STK3: variants seen among roughly 807,000 people sequenced by gnomAD.
STK3 encodes serine/threonine-protein kinase 3.
A neutral mutation model predicts 58.0 loss-of-function variants in STK3; 41 were observed. That is an observed-to-expected ratio of 0.71 (90% CI 0.55 to 0.92). The LOEUF (loss-of-function observed/expected upper bound fraction) is 0.92. Ranked by LOEUF, STK3 falls within the 40% of genes least tolerant of loss-of-function variation. The pLI, the probability that STK3 is intolerant of heterozygous loss-of-function variation, is 0.00. For synonymous variants in STK3, 170 were observed against 191.0 expected (o/e 0.89, Z 0.91); for missense variants, 479 against 602.7 (o/e 0.79, Z 2.15).
intron 10 of STK3, among the ~76,000 whole-genome samples, chr8:98,509,441 T>C (rs918828514): frequency 6.6e-6 from 1 of 151,974 alleles, no homozygotes; most frequent in Non-Finnish European, 1.5e-5. Flanking sequence ...AATACAAGTT[T>C]TACTTAGATG....
intron 4 of STK3, among the ~76,000 whole-genome samples, chr8:98,716,158 T>C (rs1051876811): frequency 6.6e-6 from 1 of 152,064 alleles, no homozygotes; most frequent in African/African-American, 2.4e-5. Flanking sequence ...TGGGGAGCGA[T>C]AGCATTAGGA....
At chr8:98,798,767 GC>G (rs1833338438) in intron 1 of STK3, among the ~76,000 whole-genome samples, 1 of 152,144 alleles carries the variant, frequency 6.6e-6, no homozygotes, top group East Asian at 1.9e-4. Flanking sequence ...CTATGATCAT[GC>G]CACCACACTC....
intron 6 of STK3, among the ~76,000 whole-genome samples, chr8:98,668,752 T>C (rs1027394263): frequency 2.0e-5 from 3 of 152,118 alleles, no homozygotes; most frequent in Non-Finnish European, 4.4e-5. Flanking sequence ...TACTCATCTA[T>C]TGCTTACTTT....
In STK3 at chr8:98,587,508, T is replaced by G. The variant is rs573911208; in HGVS notation, c.823-7719A>C. On this transcript the variant is annotated intron_variant, in intron 7 of 10. Coordinates refer to ENST00000419617, the MANE Select transcript of STK3 (RefSeq NM_006281.4). ...TCTTTTACATTTGCTGAGGAGAGAT[T>G]TACTTCAAAGTATGTGGTCAATTTT... 7.2e-4 allele frequency among the ~76,000 whole-genome samples: 109 copies of G among 152,264 alleles called. 1 individual carries two copies. The highest frequency in any genetic ancestry group is 2.6e-3 in the African/African-American group (108 of 41,504).
At chr8:98,654,744 A>C (rs1176043823) in intron 6 of STK3, among the ~76,000 whole-genome samples, 1 of 152,210 alleles carries the variant, frequency 6.6e-6, no homozygotes, top group African/African-American at 2.4e-5. Context: ...ATTGCTTCAA[A>C]GAGAATAAAA....
intron 10 of STK3, among the ~76,000 whole-genome samples, chr8:98,473,363 T>C (rs1821068445): frequency 6.6e-6 from 1 of 152,190 alleles, no homozygotes; most frequent in Non-Finnish European, 1.5e-5. Flanking sequence ...TCAAACTCTC[T>C]TTGTCTTTAG....
chr8:98,829,394 T>A (rs949116103), upstream of STK3, among the ~76,000 whole-genome samples: 2 of 152,206 alleles, frequency 1.3e-5, no homozygotes, highest in African/African-American at 4.8e-5. Context: ...AAAGGGCTTA[T>A]GATCTTGACT....
intron 3 of STK3, among the ~76,000 whole-genome samples, chr8:98,839,108 G>A (rs1394888325): frequency 6.6e-6 from 1 of 151,878 alleles, no homozygotes; most frequent in Non-Finnish European, 1.5e-5. Flanking sequence ...GTCCAGTGGT[G>A]TGATTTCGGC....
chr8:98,451,430 C>A (rs751475356), downstream of STK3, among the ~76,000 whole-genome samples: 1 of 152,106 alleles, frequency 6.6e-6, no homozygotes, highest in Non-Finnish European at 1.5e-5. Context: ...AGGCCTGTTG[C>A]AGGTCTTGAA....
At chr8:98,532,668 A>G (rs1305180899) in intron 9 of STK3, among the ~76,000 whole-genome samples, 1 of 152,202 alleles carries the variant, frequency 6.6e-6, no homozygotes, top group Non-Finnish European at 1.5e-5. Flanking sequence ...ATAATGAGGT[A>G]TGCTTATGTT....
chr8:98,799,536 A>C (rs1006357771), intron 1 of STK3, among the ~76,000 whole-genome samples: 4 of 152,218 alleles, frequency 2.6e-5, no homozygotes, highest in Non-Finnish European at 5.9e-5. Context: ...CTGTCTACCC[A>C]GCCAAGGTAT....
intron 6 of STK3, among the ~76,000 whole-genome samples, chr8:98,670,022 G>A (rs951085277): frequency 6.6e-6 from 1 of 152,134 alleles, no homozygotes; most frequent in Non-Finnish European, 1.5e-5. Context: ...CCCTTTTGAA[G>A]GGTTTCAGGT....
chr8:98,584,756 AC>A (rs1359187243), intron 7 of STK3, among the ~76,000 whole-genome samples: 6 of 148,828 alleles, frequency 4.0e-5, no homozygotes, highest in Non-Finnish European at 9.0e-5. Flanking sequence ...CCTCTCCAGC[AC>A]CTGTTGTTTC....
chr8:98,878,273 G>A (rs1587791065), intron 3 of STK3, among the ~76,000 whole-genome samples: 2 of 151,986 alleles, frequency 1.3e-5, no homozygotes, highest in South Asian at 2.1e-4. Flanking sequence ...GGCTGGTCTC[G>A]AACTCCTGGC....
At chr8:98,599,537 A>T (rs946080972) in intron 6 of STK3, among the ~76,000 whole-genome samples, 1 of 152,164 alleles carries the variant, frequency 6.6e-6, no homozygotes, top group African/African-American at 2.4e-5. Context: ...ACCACGTATT[A>T]AAAAACCCTG....
intron 10 of STK3, among the ~76,000 whole-genome samples, chr8:98,510,165 G>A (rs1347043674): frequency 6.6e-6 from 1 of 152,052 alleles, no homozygotes; most frequent in African/African-American, 2.4e-5. Flanking sequence ...AATACGTAAT[G>A]GATTTCTGTA....
chr8:98,698,436 T>C (rs1175489902), intron 6 of STK3, among the ~76,000 whole-genome samples: 1 of 152,226 alleles, frequency 6.6e-6, no homozygotes, highest in Non-Finnish European at 1.5e-5. Flanking sequence ...TGCTCGTTAG[T>C]TGATACAGTT....
upstream of STK3, chr8:98,825,702 G>A: frequency 9.6e-7 from 1 of 1,037,890 alleles, no homozygotes; most frequent in Non-Finnish European, 1.2e-6. Flanking sequence ...TCCCGCTTAG[G>A]AGCGCGGCTC....
intron 3 of STK3, among the ~76,000 whole-genome samples, chr8:98,861,618 G>C (rs1836941654): frequency 6.6e-6 from 1 of 152,128 alleles, no homozygotes; most frequent in Non-Finnish European, 1.5e-5. Context: ...AAAGTGCTGG[G>C]ATTACAGGCG....
Sources: gnomAD v4.1 joint callset for allele counts (sites outside exome capture counted in the v4.1 genomes callset) on GRCh38, gnomAD v4.1.1 for gene constraint, MANE v1.5 for transcripts, NCBI Gene and HGNC (gene_info 2026-07-23, HGNC 2026-07-21) for gene names.